ASH2L: variants seen among roughly 807,000 people sequenced by gnomAD.
ASH2L encodes set1/Ash2 histone methyltransferase complex subunit ASH2.
ASH2L carries 30 observed loss-of-function variants against 81.1 expected under a neutral mutation model. The ratio of observed to expected loss-of-function variants is 0.37; its 90% CI spans 0.28 to 0.50. The LOEUF (loss-of-function observed/expected upper bound fraction) is 0.50. Among genes scored for constraint, ASH2L ranks in the 20% least tolerant of loss-of-function variants. The pLI is 0.95. For missense variants in ASH2L, 559 were observed against 792.1 expected, an observed-to-expected ratio of 0.71 and a Z score of 3.53; for synonymous variants, 273 against 279.9, an observed-to-expected ratio of 0.98 and a Z score of 0.24.
intron 5 of ASH2L, among the ~76,000 whole-genome samples, chr8:38,111,892 A>C (rs767893239): frequency 6.6e-6 from 1 of 152,198 alleles, no homozygotes; most frequent in Non-Finnish European, 1.5e-5. Context: ...GTAGTTTCTC[A>C]GGATTATTTT....
chr8:38,113,561 G>A (rs937048001), intron 5 of ASH2L, among the ~76,000 whole-genome samples: 3 of 152,136 alleles, frequency 2.0e-5, no homozygotes, highest in African/African-American at 7.2e-5. Flanking sequence ...GCAGGAGTTG[G>A]TGAGAGCCAC....
At chr8:38,117,426 A>G in intron 8 of ASH2L, 2 of 985,070 alleles carry the variant, frequency 2.0e-6, no homozygotes, top group Non-Finnish European at 2.4e-6. Flanking sequence ...TTTGACAAAT[A>G]CATGGTGCCA....
At chr8:38,115,158 C>T (rs1175447071) in intron 7 of ASH2L, among the ~76,000 whole-genome samples, 158 bp downstream of exon 7, 4 of 152,194 alleles carry the variant, frequency 2.6e-5, no homozygotes, top group Non-Finnish European at 5.9e-5. Flanking sequence ...TATGAGAGTA[C>T]TCACCTTCAA....
At chr8:38,133,677 G>A (rs902296705) in intron 13 of ASH2L, 131 bp downstream of exon 13, 6 of 668,866 alleles carry the variant, frequency 9.0e-6, no homozygotes, top group South Asian at 2.0e-5. Flanking sequence ...ACTGGCCAGC[G>A]GCAAGCTCAC....
At chr8:38,114,752 G>A in intron 6 of ASH2L, 153 bp from the exon 7 acceptor site, 1 of 588,568 alleles carries the variant, frequency 1.7e-6, no homozygotes, top group African/African-American at 1.9e-5. Context: ...TGAATTTTTT[G>A]ATGGTCACTG....
At position 38,115,594 on chromosome 8, in the gene ASH2L, G is replaced by A. The variant is rs919254610; in HGVS notation, c.777+594G>A. Among the ~76,000 whole-genome samples, 10 of 152,106 alleles carry A rather than the reference G, an allele frequency of 6.6e-5. 1 individual carries two copies. Among genetic ancestry groups the A allele is most frequent in the Admixed American group, 2.6e-4 (4 of 15,264 alleles). ...AGGCAGGAGGATTGCTTGAGTCCAG[G>A]CATTCAAGACCAGCCTGGACAATAC... On this transcript the variant is annotated intron_variant, in intron 7 of 15. Coordinates refer to ENST00000343823, the MANE Select transcript of ASH2L (RefSeq NM_004674.5).
chr8:38,132,449 A>C (rs1461299369), intron 12 of ASH2L, among the ~76,000 whole-genome samples: 2 of 152,226 alleles, frequency 1.3e-5, no homozygotes, highest in Admixed American at 6.5e-5. Flanking sequence ...CACCTGTGGG[A>C]ACAGATGGGA....
chr8:38,132,227 T>C (rs975737261), intron 12 of ASH2L, among the ~76,000 whole-genome samples: 3 of 152,204 alleles, frequency 2.0e-5, no homozygotes, highest in African/African-American at 7.2e-5. Flanking sequence ...CAGTGATTAC[T>C]TTTGGCAGGG....
intron 13 of ASH2L, among the ~76,000 whole-genome samples, chr8:38,134,967 A>G (rs1322601362): frequency 6.6e-6 from 1 of 152,122 alleles, no homozygotes; most frequent in Admixed American, 6.6e-5. Context: ...AGCAGAAGTG[A>G]GAACTGACTC....
intron 11 of ASH2L, 44 bp downstream of exon 11, chr8:38,128,502 A>C: frequency 4.4e-6 from 7 of 1,596,232 alleles, no homozygotes; most frequent in Non-Finnish European, 6.0e-6. Flanking sequence ...GATAGAGAGG[A>C]TAGACCATCT....
rs1182108209 is a variant in ASH2L, at chr8:38,110,783, C to A, written c.535C>A (p.Gln179Lys). The A allele has an allele frequency of 1.2e-6, 2 of 1,613,950 alleles. No individual in the cohort carries two copies. Among genetic ancestry groups the A allele is most frequent in the East Asian group, 2.2e-5 (1 of 44,876 alleles). The change falls in exon 5 of 16, where the codon CAG becomes AAG. Residue 179 changes from glutamine to lysine, a missense_variant. Physicochemically the swap from Gln to Lys is moderately conservative, Grantham distance 53. Coordinates refer to ENST00000343823, the MANE Select transcript of ASH2L (RefSeq NM_004674.5). The part of the protein sequence containing the change: ...CLSALANLTW[Q>K]SRTQDEHPKT... The stretch of plus-strand genomic sequence containing the variant: ...TAGTGCTTTGGCCAACCTGACATGG[C>A]AGTCCCGAACACAGGATGAACATCC...
intron 2 of ASH2L, 78 bp from the exon 3 acceptor site, chr8:38,106,943 C>T: frequency 1.3e-6 from 2 of 1,542,768 alleles, no homozygotes; most frequent in Non-Finnish European, 1.8e-6. Context: ...ATAGGGAGAC[C>T]CCCGTCTCTT....
chr8:38,137,184 C>T (rs1164635305), intron 14 of ASH2L, among the ~76,000 whole-genome samples: 2 of 150,950 alleles, frequency 1.3e-5, no homozygotes, highest in Non-Finnish European at 2.9e-5. Flanking sequence ...GGGCAGATCA[C>T]GAGGTCAAGA....
At position 38,139,161 on chromosome 8, in the gene ASH2L, G is replaced by A. The variant is rs1227486693; in HGVS notation, c.*90G>A. 9.3e-6 allele frequency: 10 copies of A among 1,070,964 alleles called. No homozygotes were observed. The highest frequency in any genetic ancestry group is 1.3e-5 in the Non-Finnish European group (10 of 758,792). 66.3% of individuals were successfully genotyped at this position (1,070,964 alleles called of 1,614,324 possible). A position where few individuals can be genotyped will look rare whatever the true frequency, so the allele number is the denominator to read the frequency against. On this transcript the variant is annotated 3_prime_UTR_variant, in exon 16 of 16. Coordinates refer to ENST00000343823, the MANE Select transcript of ASH2L (RefSeq NM_004674.5). Reference sequence around the variant, plus strand: ...GAACTGTCTCAAATGTTCTCCCAAAGATGCTAAAAACACAGCCTCTCCTTT... The same window carrying A: ...GAACTGTCTCAAATGTTCTCCCAAAAATGCTAAAAACACAGCCTCTCCTTT...
chr8:38,138,574 A>G (rs1426187453), intron 14 of ASH2L: 4 of 435,802 alleles, frequency 9.2e-6, no homozygotes, highest in Non-Finnish European at 1.6e-5. Context: ...GCAAATTGGG[A>G]TCCTGAATTT....
At chr8:38,121,333 TTATATATATATATATATATATATA>T (rs71216649) in intron 10 of ASH2L, among the ~76,000 whole-genome samples, 184 bp downstream of exon 10, 32 of 59,662 alleles carry the variant, frequency 5.4e-4, no homozygotes, top group African/African-American at 1.9e-3. Context: ...GCCGTTTTAT[TTATATATATATATATATATATATA>T]TATATATATA....
chr8:38,116,348 A>G (rs754519131), intron 7 of ASH2L, among the ~76,000 whole-genome samples: 5 of 151,984 alleles, frequency 3.3e-5, no homozygotes, highest in Non-Finnish European at 7.4e-5. Context: ...CCTGGGTGAC[A>G]AGAGTGAAAC....
chr8:38,107,260 A>G, intron 3 of ASH2L, 94 bp downstream of exon 3: 1 of 1,501,830 alleles, frequency 6.7e-7, no homozygotes. Flanking sequence ...AATGCAAAGT[A>G]TTTCCTATGT....
intron 10 of ASH2L, among the ~76,000 whole-genome samples, chr8:38,126,118 G>A (rs903342638): frequency 2.6e-5 from 4 of 151,390 alleles, no homozygotes; most frequent in African/African-American, 4.9e-5. Context: ...TGGGAGAATC[G>A]CTTGAACCCG....
Sources: gnomAD v4.1 joint callset for allele counts (sites outside exome capture counted in the v4.1 genomes callset) on GRCh38, gnomAD v4.1.1 for gene constraint, MANE v1.5 for transcripts, NCBI Gene and HGNC (gene_info 2026-07-23, HGNC 2026-07-21) for gene names.